CARMIL1: variants seen among roughly 807,000 people sequenced by gnomAD.
CARMIL1 encodes capping protein regulator and myosin 1 linker 1, also known as F-actin-uncapping protein LRRC16A.
In CARMIL1, 90 loss-of-function variants were observed where a neutral mutation model predicts 177.1. The ratio of observed to expected loss-of-function variants is 0.51; its 90% CI spans 0.43 to 0.61. The LOEUF is 0.61. Ranked by LOEUF, CARMIL1 falls within the 20% of genes least tolerant of loss-of-function variation. CARMIL1 has a pLI of 0.00. For missense variants in CARMIL1, 1,380 were observed against 1,667.0 expected (o/e 0.83, Z 3.00); for synonymous variants, 577 against 606.2 (o/e 0.95, Z 0.71).
chr6:25,456,313 A>G (rs527306032), intron 8 of CARMIL1, among the ~76,000 whole-genome samples: 2 of 152,304 alleles, frequency 1.3e-5, no homozygotes, highest in South Asian at 2.1e-4. Context: ...TTTATTTACT[A>G]TGGTTCTATC....
Position 25,416,944 on chromosome 6 carries a change from C to T in CARMIL1, c.139-3170C>T, listed in dbSNP as rs148826298. On this transcript the variant is annotated intron_variant, in intron 2 of 36. Transcript: ENST00000329474. The stretch of plus-strand genomic sequence containing the variant: ...GATTGGGGATTGATCATACCAGTAC[C>T]CCTGGGAGAGAGAAATGTGTGTGCT... Among the ~76,000 whole-genome samples, 38 of 152,148 alleles carry T rather than the reference C, an allele frequency of 2.5e-4. 1 individual carries two copies. In the East Asian group the frequency reaches 7.1e-3, roughly 29 times the overall value.
intron 22 of CARMIL1, among the ~76,000 whole-genome samples, chr6:25,518,404 T>A (rs1469581490): frequency 1.3e-5 from 2 of 152,210 alleles, no homozygotes; most frequent in African/African-American, 4.8e-5. Context: ...TTCTAAATCC[T>A]GTGGCTCTAC....
intron 2 of CARMIL1, chr6:25,350,773 C>T (rs1026899001): frequency 2.0e-5 from 3 of 152,216 alleles, no homozygotes; most frequent in African/African-American, 7.2e-5. Context: ...CTTCTGTGCC[C>T]CTACTGGCTC....
intron 34 of CARMIL1, among the ~76,000 whole-genome samples, chr6:25,605,622 C>T (rs925824950): frequency 6.6e-6 from 1 of 152,170 alleles, no homozygotes; most frequent in Non-Finnish European, 1.5e-5. Context: ...GTCAGCATCA[C>T]CCTCCTCACT....
rs1275288846 is a variant in CARMIL1 at position 25,475,411 on chromosome 6, A to C, written c.874+2890A>C. Among the ~76,000 whole-genome samples the C allele has an allele frequency of 6.6e-5, 10 of 152,302 alleles. No homozygotes were observed. In the South Asian group the frequency reaches 1.7e-3, roughly 25 times the overall value. On this transcript the variant is annotated intron_variant, in intron 11 of 36. Transcript: ENST00000329474. ...GTGAGACTCCGTCTCAAAAAAAAAA[A>C]AAAAAGTTAAACTCAAATCTGCCAT... is the stretch of plus-strand genomic sequence containing the variant.
chr6:25,411,993 A>G (rs937243063), intron 2 of CARMIL1, among the ~76,000 whole-genome samples: 1 of 151,952 alleles, frequency 6.6e-6, no homozygotes, highest in African/African-American at 2.4e-5. Context: ...GTTCCAACCA[A>G]ACCTCTTATT....
At chr6:25,292,762 T>C (rs554994666) in intron 2 of CARMIL1, among the ~76,000 whole-genome samples, 15 of 152,218 alleles carry the variant, frequency 9.9e-5, no homozygotes, top group Admixed American at 3.3e-4. Context: ...TAGCCACCCT[T>C]GGACCAGGGC....
At chr6:25,502,382 CTG>C (rs1463158917) in intron 17 of CARMIL1, among the ~76,000 whole-genome samples, 1 of 151,968 alleles carries the variant, frequency 6.6e-6, no homozygotes, top group East Asian at 1.9e-4. Flanking sequence ...GATGGTGACC[CTG>C]TCTCTACTAA....
chr6:25,344,536 T>C (rs931211413), intron 2 of CARMIL1, among the ~76,000 whole-genome samples: 1 of 152,204 alleles, frequency 6.6e-6, no homozygotes, highest in African/African-American at 2.4e-5. Flanking sequence ...TGTCTCACTC[T>C]AAGCTGATCA....
At chr6:25,602,567 T>G (rs996197219) in intron 33 of CARMIL1, among the ~76,000 whole-genome samples, 2 of 152,244 alleles carry the variant, frequency 1.3e-5, no homozygotes, top group African/African-American at 2.4e-5. Flanking sequence ...TAATGATCTG[T>G]TAGCGCCATC....
intron 2 of CARMIL1, among the ~76,000 whole-genome samples, chr6:25,369,580 A>G (rs1401153069): frequency 6.6e-6 from 1 of 151,926 alleles, no homozygotes; most frequent in Non-Finnish European, 1.5e-5. Flanking sequence ...CTTGCTATGT[A>G]TCGAGGTGGC....
chr6:25,562,797 C>T (rs1811249262), intron 29 of CARMIL1, among the ~76,000 whole-genome samples: 2 of 152,194 alleles, frequency 1.3e-5, no homozygotes, highest in Non-Finnish European at 2.9e-5. Flanking sequence ...TGACTTCAAA[C>T]ATGAACCAAT....
intron 26 of CARMIL1, among the ~76,000 whole-genome samples, chr6:25,546,170 C>T (rs1192041307): frequency 6.6e-6 from 1 of 151,764 alleles, no homozygotes; most frequent in Non-Finnish European, 1.5e-5. Flanking sequence ...AAAATATTTC[C>T]TTTAAAGTCA....
chr6:25,304,181 A>G (rs1015548757), intron 2 of CARMIL1, among the ~76,000 whole-genome samples: 2 of 152,202 alleles, frequency 1.3e-5, no homozygotes, highest in African/African-American at 2.4e-5. Flanking sequence ...CTGAACTGGG[A>G]CAATTGATAA....
At chr6:25,286,736 A>G (rs1354315856) in intron 2 of CARMIL1, among the ~76,000 whole-genome samples, 1 of 152,202 alleles carries the variant, frequency 6.6e-6, no homozygotes, top group East Asian at 1.9e-4. Flanking sequence ...GCTTGGTATT[A>G]TTTGATATGG....
intron 2 of CARMIL1, among the ~76,000 whole-genome samples, chr6:25,308,538 C>CGT (rs898282078): frequency 6.6e-6 from 1 of 152,058 alleles, no homozygotes; most frequent in African/African-American, 2.4e-5. Flanking sequence ...CGTGCCACCA[C>CGT]ACCTGGTTAA....
intron 5 of CARMIL1, among the ~76,000 whole-genome samples, chr6:25,441,395 A>G (rs1002991232): frequency 3.2e-4 from 42 of 130,444 alleles, no homozygotes; most frequent in Non-Finnish European, 5.8e-4. Context: ...GTGTGTATGT[A>G]TATGTAATCA....
At chr6:25,348,423 T>C (rs1261200314) in intron 2 of CARMIL1, among the ~76,000 whole-genome samples, 1 of 151,832 alleles carries the variant, frequency 6.6e-6, no homozygotes, top group East Asian at 2.0e-4. Context: ...TGAGCCACTG[T>C]GCCTTGCTGT....
chr6:25,535,000 A>G (rs1410101619), intron 24 of CARMIL1, among the ~76,000 whole-genome samples: 2 of 152,242 alleles, frequency 1.3e-5, no homozygotes, highest in Non-Finnish European at 2.9e-5. Context: ...CGTGGGTTCA[A>G]TAGCCCAGTA....
Sources: allele counts gnomAD v4.1 joint callset (sites outside exome capture counted in the v4.1 genomes callset), GRCh38; gene constraint gnomAD v4.1.1; transcripts MANE v1.5; gene names NCBI Gene and HGNC (gene_info 2026-07-23, HGNC 2026-07-21).